Variants in KIAA1217 observed in about 807,000 individuals in gnomAD.
The protein encoded by KIAA1217 is KIAA1217, also known as sickle tail protein homolog.
Under a neutral mutation model 163.9 loss-of-function variants are expected in KIAA1217, and 88 were observed. That is an observed-to-expected ratio of 0.54 (90% CI 0.45 to 0.64). The LOEUF is 0.64. Ranked by LOEUF, KIAA1217 falls within the 30% of genes least tolerant of loss-of-function variation. The probability of loss-of-function intolerance (pLI) is 0.00; values close to 1 mark genes in which losing one functional copy is unlikely to be tolerated. For missense variants in KIAA1217, 2,372 were observed against 2,475.0 expected, an observed-to-expected ratio of 0.96 and a Z score of 0.88; for synonymous variants, 903 against 923.1, an observed-to-expected ratio of 0.98 and a Z score of 0.39.
intron 1 of KIAA1217, among the ~76,000 whole-genome samples, chr10:23,830,488 T>C (rs912298525): frequency 2.6e-5 from 4 of 152,140 alleles, no homozygotes; most frequent in African/African-American, 4.8e-5. Context: ...AGGGTTTTGC[T>C]TTTAAGAGCC....
At chr10:24,063,313 TG>T (rs1441616850) in intron 2 of KIAA1217, among the ~76,000 whole-genome samples, 1 of 152,214 alleles carries the variant, frequency 6.6e-6, no homozygotes, top group Non-Finnish European at 1.5e-5. Context: ...AATTAATTTT[TG>T]TATAAGGTGT....
chr10:24,339,415 T>C (rs956275008), intron 2 of KIAA1217, among the ~76,000 whole-genome samples: 5 of 152,234 alleles, frequency 3.3e-5, no homozygotes, highest in African/African-American at 9.6e-5. Context: ...GGAAATCCCA[T>C]GTCACCTCTT....
In KIAA1217 at chr10:23,704,186, A is replaced by G. The variant is rs1421385209; in HGVS notation, c.-321+8952A>G. ...TGTGTGTGTGTGTATATATATATAT[A>G]TATATATATATATATATATATATAT... On this transcript the variant is annotated intron_variant, in intron 1 of 18. Coordinates refer to the KIAA1217 transcript ENST00000376462. Among the ~76,000 whole-genome samples, 701 of 114,348 alleles carry G rather than the reference A, an allele frequency of 6.1e-3. 8 individuals carry two copies. Among genetic ancestry groups the G allele is most frequent in the African/African-American group, 0.018 (460 of 25,840 alleles). 75.0% of individuals were successfully genotyped at this position (114,348 alleles called of 152,430 possible).
At chr10:24,377,967 A>G (rs2052738432) in intron 2 of KIAA1217, among the ~76,000 whole-genome samples, 1 of 152,170 alleles carries the variant, frequency 6.6e-6, no homozygotes, top group Non-Finnish European at 1.5e-5. Flanking sequence ...CTGGAAACAG[A>G]AAGTGGGAAG....
chr10:24,207,972 G>A (rs1348509498), upstream of KIAA1217, among the ~76,000 whole-genome samples: 2 of 152,090 alleles, frequency 1.3e-5, no homozygotes, highest in Non-Finnish European at 2.9e-5. Flanking sequence ...GGCAAAGTAT[G>A]GTCACCAGAC....
intron 1 of KIAA1217, among the ~76,000 whole-genome samples, chr10:23,855,936 C>G (rs1230758722): frequency 6.6e-6 from 1 of 152,132 alleles, no homozygotes; most frequent in African/African-American, 2.4e-5. Flanking sequence ...AAGTTTTTAA[C>G]TTCTTTGCCT....
At chr10:24,431,565 A>G (rs2131775182) in intron 3 of KIAA1217, among the ~76,000 whole-genome samples, 1 of 152,182 alleles carries the variant, frequency 6.6e-6, no homozygotes, top group East Asian at 1.9e-4. Flanking sequence ...GGGCGCTTAG[A>G]TGGGGTGGTT....
At chr10:24,080,726 T>C (rs560409248) in intron 2 of KIAA1217, among the ~76,000 whole-genome samples, 5 of 152,336 alleles carry the variant, frequency 3.3e-5, no homozygotes, top group Admixed American at 1.3e-4. Context: ...ATCAACTTAA[T>C]ATATGCATTT....
chr10:24,235,829 A>G (rs2072170011), intron 2 of KIAA1217, among the ~76,000 whole-genome samples: 1 of 152,184 alleles, frequency 6.6e-6, no homozygotes, highest in South Asian at 2.1e-4. Flanking sequence ...GACCCTTTGC[A>G]ATCCAGTATG....
intron 2 of KIAA1217, among the ~76,000 whole-genome samples, chr10:24,316,394 C>T (rs537093089): frequency 6.6e-6 from 1 of 152,178 alleles, no homozygotes; most frequent in African/African-American, 2.4e-5. Context: ...AAGGCCTGGA[C>T]AAACCAGGAT....
intron 1 of KIAA1217, among the ~76,000 whole-genome samples, chr10:23,782,688 C>T (rs1835312476): frequency 6.6e-6 from 1 of 152,148 alleles, no homozygotes; most frequent in African/African-American, 2.4e-5. Flanking sequence ...CTGCATGGTC[C>T]TCCCAAAGTA....
chr10:24,537,793 C>T (rs2074256191), intron 17 of KIAA1217, among the ~76,000 whole-genome samples: 1 of 152,126 alleles, frequency 6.6e-6, no homozygotes, highest in African/African-American at 2.4e-5. Flanking sequence ...TGTTAACATA[C>T]ATGTGTGATG....
intron 2 of KIAA1217, among the ~76,000 whole-genome samples, chr10:24,320,818 C>T (rs959679818): frequency 2.6e-5 from 4 of 152,056 alleles, no homozygotes; most frequent in East Asian, 1.9e-4. Context: ...CTGAGGCGGG[C>T]GGATCACGAG....
intron 2 of KIAA1217, among the ~76,000 whole-genome samples, chr10:24,181,243 C>A (rs1019264244): frequency 2.0e-5 from 3 of 152,086 alleles, no homozygotes; most frequent in Non-Finnish European, 4.4e-5. Flanking sequence ...AGAGGGGAAC[C>A]TAATCTGGCA....
intron 1 of KIAA1217, among the ~76,000 whole-genome samples, chr10:23,765,828 A>G (rs551273021): frequency 9.9e-5 from 15 of 152,266 alleles, no homozygotes; most frequent in African/African-American, 3.6e-4. Context: ...TCTTTTCTTT[A>G]CAAATTACCC....
Position 24,532,027 on chromosome 10 carries a change from T to C in KIAA1217, c.3246+34T>C, listed in dbSNP as rs202093041. The C allele has an allele frequency of 1.2e-4, 174 of 1,457,858 alleles. 4 individuals are homozygous for C. In the South Asian group the frequency reaches 2.5e-3, roughly 21 times the overall value. 90.3% of individuals were successfully genotyped at this position (1,457,858 alleles called of 1,614,324 possible). A position where few individuals can be genotyped will look rare whatever the true frequency, so the allele number is the denominator to read the frequency against. On this transcript the variant is annotated intron_variant, in intron 15 of 20. Coordinates refer to ENST00000376454, the MANE Select transcript of KIAA1217 (RefSeq NM_019590.5). ...GGCTAAGCCCTGGTAAACTGGCCTC[T>C]GGGTTCAGATGATACCCTTAGACAA... is the stretch of plus-strand genomic sequence containing the variant.
At chr10:24,062,845 A>G (rs2060783999) in intron 2 of KIAA1217, among the ~76,000 whole-genome samples, 1 of 152,128 alleles carries the variant, frequency 6.6e-6, no homozygotes, top group East Asian at 1.9e-4. Context: ...TTGGTGTGAG[A>G]TGGTATCTCA....
At chr10:24,488,788 G>A (rs1356147979) in intron 6 of KIAA1217, among the ~76,000 whole-genome samples, 9 of 152,006 alleles carry the variant, frequency 5.9e-5, no homozygotes, top group African/African-American at 1.7e-4. Flanking sequence ...GCATAGCCTC[G>A]CTTTAAACCT....
chr10:24,233,723 T>C (rs1448911523), intron 2 of KIAA1217, among the ~76,000 whole-genome samples: 1 of 152,242 alleles, frequency 6.6e-6, no homozygotes, highest in Non-Finnish European at 1.5e-5. Flanking sequence ...ATTGCATAGA[T>C]ATTCATGGAC....
Sources: allele counts gnomAD v4.1 joint callset (sites outside exome capture counted in the v4.1 genomes callset), GRCh38; gene constraint gnomAD v4.1.1; transcripts MANE v1.5; gene names NCBI Gene and HGNC (gene_info 2026-07-23, HGNC 2026-07-21).